The following ATP6V0A4 variants were observed in gnomAD, a reference collection of about 807,000 sequenced individuals.
ATP6V0A4 encodes ATPase H+ transporting V0 subunit a4, also known as V-type proton ATPase 116 kDa subunit a 4.
ATP6V0A4 carries 86 observed loss-of-function variants against 107.3 expected under a neutral mutation model. The observed-to-expected ratio is 0.80, with a 90% CI of 0.67 to 0.96. The LOEUF is 0.96. ATP6V0A4 is among the 40% of genes least tolerant of loss of function. The probability of loss-of-function intolerance (pLI) is 0.00; values close to 1 mark genes in which losing one functional copy is unlikely to be tolerated. For synonymous variants in ATP6V0A4, 353 were observed against 381.4 expected (o/e 0.93, Z 0.87); for missense variants, 908 against 1,045.6 (o/e 0.87, Z 1.81).
In ATP6V0A4 at chr7:138,784,214, T is replaced by TTATATA. The variant is rs1211079839; in HGVS notation, c.-18+1938_-18+1943dup. Among the ~76,000 whole-genome samples the TTATATA allele has an allele frequency of 7.3e-4, 61 of 83,554 alleles. 3 individuals carry two copies. The highest frequency in any genetic ancestry group is 3.0e-3 in the African/African-American group (49 of 16,352). The allele number at this position is 83,554 out of a possible 152,430, so 54.8% of individuals were successfully genotyped here. On this transcript the variant is annotated intron_variant, in intron 2 of 21. Transcript: ENST00000310018. ...TAATCCACCTATGAATCCTTAAACA[T>TTATATA]TATATATATATATATATATACGTAT...
intron 2 of ATP6V0A4, among the ~76,000 whole-genome samples, chr7:138,775,624 G>A (rs1004640593): frequency 1.4e-5 from 2 of 147,998 alleles, no homozygotes; most frequent in African/African-American, 5.0e-5. Flanking sequence ...CTACAGGTGT[G>A]CATCACTATG....
At chr7:138,710,845 C>A (rs561086834) in intron 20 of ATP6V0A4, among the ~76,000 whole-genome samples, 25 of 152,116 alleles carry the variant, frequency 1.6e-4, no homozygotes, top group Non-Finnish European at 3.2e-4. Context: ...ACATCTTATA[C>A]GTAGTTTCAG....
At chr7:138,753,826 A>G (rs946001575) in intron 10 of ATP6V0A4, among the ~76,000 whole-genome samples, 1 of 152,186 alleles carries the variant, frequency 6.6e-6, no homozygotes, top group African/African-American at 2.4e-5. Flanking sequence ...GCACCTCAGC[A>G]CAGAGGTGAC....
chr7:138,726,240 C>T (rs996115174), intron 18 of ATP6V0A4, among the ~76,000 whole-genome samples: 17 of 152,160 alleles, frequency 1.1e-4, no homozygotes, highest in African/African-American at 4.1e-4. Flanking sequence ...CCGCCCGCCT[C>T]GGCCTCCCAA....
chr7:138,746,506 TA>T (rs757025910), intron 13 of ATP6V0A4, among the ~76,000 whole-genome samples: 38 of 147,824 alleles, frequency 2.6e-4, no homozygotes, highest in South Asian at 1.7e-3. Context: ...ACATTGCAGA[TA>T]TTTTTTTTTT....
At chr7:138,758,833 C>T (rs1040430992) in intron 8 of ATP6V0A4, among the ~76,000 whole-genome samples, 1 of 144,446 alleles carries the variant, frequency 6.9e-6, no homozygotes, top group African/African-American at 2.5e-5. Flanking sequence ...TCACTGCAAC[C>T]TCCGCCTCTT....
At position 138,773,935 on chromosome 7, in the gene ATP6V0A4, T is replaced by C. The variant is rs1206048212; in HGVS notation, c.-17-2671A>G. The C allele has an allele frequency of 1.3e-5, 2 of 152,304 alleles. No homozygotes were observed. Among genetic ancestry groups the C allele is most frequent in the Non-Finnish European group, 2.9e-5 (2 of 68,106 alleles). The allele number at this position is 152,304 out of a possible 1,614,324, so 9.4% of individuals were successfully genotyped here. On this transcript the variant is annotated intron_variant, in intron 2 of 21. Transcript: ENST00000310018. This position sits in a 1 kb window ranked among gnomAD's most constrained non-coding sequence, Gnocchi z 5.4. ...AGCCCTCCGTGCTTGCTAGCAGTCCTGGGCGGAGCAGCAGCCAGTGAATCC... is the reference window on the plus strand; with the variant it reads ...AGCCCTCCGTGCTTGCTAGCAGTCCCGGGCGGAGCAGCAGCCAGTGAATCC...
At position 138,709,778 on chromosome 7, in the gene ATP6V0A4, A is replaced by G; in HGVS notation, c.2275T>C (p.Trp759Arg). 6.2e-7 allele frequency: 1 copy of G among 1,614,048 alleles called. No homozygotes were observed. The highest frequency in any genetic ancestry group is 8.5e-7 in the Non-Finnish European group (1 of 1,179,924). Reference sequence around the variant, plus strand: ...AGGCCGCTGTTCATCACCATAGTCCAGAGCACTTCAGACAGTTCTGCAAGG... The same window carrying G: ...AGGCCGCTGTTCATCACCATAGTCCGGAGCACTTCAGACAGTTCTGCAAGG... ...LAHAQLSEVLWTMVMNSGLQT... is the reference protein window; with the variant it reads ...LAHAQLSEVLRTMVMNSGLQT... The change falls in exon 21 of 22, where the codon TGG becomes CGG. Residue 759 changes from tryptophan (W) to arginine (R), a missense_variant. Coordinates refer to ENST00000310018, the MANE Select transcript of ATP6V0A4 (RefSeq NM_020632.3).
chr7:138,762,346 T>C lies in ATP6V0A4; in HGVS notation c.506A>G (p.Lys169Arg). The change falls in exon 7 of 22, where the codon AAG becomes AGG. Residue 169 changes from lysine to arginine, a missense_variant. By Grantham distance (26) the Lys-to-Arg change is conservative (BLOSUM62 2). Transcript: ENST00000310018. ...ACACAAGAATTACACTAACCCCAAC[T>C]TTCCGGTCATATATGCAGGCACTGC... ...LKAVPAYMTG[K>R]LGFIAGVINR... 1.2e-6 allele frequency: 2 copies of C among 1,614,156 alleles called. No homozygotes were observed. The highest frequency in any genetic ancestry group is 1.7e-6 in the Non-Finnish European group (2 of 1,180,042).
At chr7:138,719,596 T>C (rs899628041) in intron 19 of ATP6V0A4, among the ~76,000 whole-genome samples, 1 of 152,220 alleles carries the variant, frequency 6.6e-6, no homozygotes, top group African/African-American at 2.4e-5. Flanking sequence ...GGCGATTCTC[T>C]GCACATCTTG....
At chr7:138,726,350 G>T (rs944486556) in intron 18 of ATP6V0A4, among the ~76,000 whole-genome samples, 3 of 152,244 alleles carry the variant, frequency 2.0e-5, no homozygotes, top group South Asian at 2.1e-4. Flanking sequence ...GAGTATGGGG[G>T]GACCTGGGTT....
chr7:138,794,897 A>ATTTT (rs34650343), intron 1 of ATP6V0A4, among the ~76,000 whole-genome samples: 1 of 104,040 alleles, frequency 9.6e-6, no homozygotes. Flanking sequence ...AGCCCACCCT[A>ATTTT]TTTTTTTTTT....
At chr7:138,737,678 T>C (rs912147504) in intron 15 of ATP6V0A4, among the ~76,000 whole-genome samples, 25 of 151,194 alleles carry the variant, frequency 1.7e-4, no homozygotes, top group African/African-American at 5.8e-4. Flanking sequence ...GCTTCCCAGA[T>C]TCAAGTACTT....
At chr7:138,749,039 C>T in intron 12 of ATP6V0A4, 128 bp downstream of exon 12, 1 of 1,251,666 alleles carries the variant, frequency 8.0e-7, no homozygotes, top group East Asian at 2.3e-5. Context: ...TCCTCTGATT[C>T]CCACAGCTAC....
At chr7:138,772,296 T>TA (rs138623916) in intron 2 of ATP6V0A4, among the ~76,000 whole-genome samples, 2,294 of 152,334 alleles carry the variant, frequency 0.015, 51 homozygotes, top group African/African-American at 0.053. Flanking sequence ...GAATGTTTCT[T>TA]ATAATATTGT....
Position 138,706,328 on chromosome 7 carries a change from T to C in ATP6V0A4, c.*296A>G. The C allele has an allele frequency of 2.6e-6, 1 of 386,882 alleles. No homozygotes were observed. The highest frequency in any genetic ancestry group is 2.6e-5 in the South Asian group (1 of 38,388). The allele number at this position is 386,882 out of a possible 1,614,324, so 24.0% of individuals were successfully genotyped here. ...CAGATGTTTATTTTCTCAAATACAA[T>C]ATTTAAAATATTGCAAGAAGACATC... On this transcript the variant is annotated 3_prime_UTR_variant, in exon 22 of 22. Transcript: ENST00000310018.
At chr7:138,752,129 G>C (rs543234448) in intron 11 of ATP6V0A4, among the ~76,000 whole-genome samples, 5 of 152,284 alleles carry the variant, frequency 3.3e-5, no homozygotes, top group Non-Finnish European at 7.4e-5. Flanking sequence ...CAGCACTTTG[G>C]GAGGTTGAGG....
At chr7:138,796,554 C>T (rs117135954) in intron 1 of ATP6V0A4, among the ~76,000 whole-genome samples, 1 of 152,224 alleles carries the variant, frequency 6.6e-6, no homozygotes, top group East Asian at 1.9e-4. Context: ...TGCACACAGA[C>T]GATTCCCTCG....
rs1386129913 is a variant in ATP6V0A4, at chr7:138,771,252, G to A, written c.-5C>T. ...GCTTCGAAACACAGACACCATCTTG[G>A]CCCAGCCTCGGTCTACAGGAGAAAA... On this transcript the variant is annotated 5_prime_UTR_variant, in exon 3 of 22. Transcript: ENST00000310018. The A allele has an allele frequency of 1.2e-6, 2 of 1,612,874 alleles. No individual in the cohort carries two copies. The highest frequency in any genetic ancestry group is 1.3e-5 in the African/African-American group (1 of 74,848).
Sources: allele counts gnomAD v4.1 joint callset (sites outside exome capture counted in the v4.1 genomes callset), GRCh38; gene constraint gnomAD v4.1.1; non-coding constraint Gnocchi (gnomAD v3.1); transcripts MANE v1.5; gene names NCBI Gene and HGNC (gene_info 2026-07-23, HGNC 2026-07-21).